SLCO3A1: variants seen among roughly 807,000 people sequenced by gnomAD.
SLCO3A1 encodes solute carrier organic anion transporter family member 3A1.
Under a neutral mutation model 63.1 loss-of-function variants are expected in SLCO3A1, and 27 were observed. The ratio of observed to expected loss-of-function variants is 0.43; its 90% CI spans 0.32 to 0.59. The LOEUF (loss-of-function observed/expected upper bound fraction) is 0.59, where lower values mean the gene tolerates loss of function less well. Among genes scored for constraint, SLCO3A1 ranks in the 20% least tolerant of loss-of-function variants. The pLI, the probability that SLCO3A1 is intolerant of heterozygous loss-of-function variation, is 0.09. For synonymous variants in SLCO3A1, 473 were observed against 409.9 expected (o/e 1.15, Z -1.86); for missense variants, 773 against 945.8 (o/e 0.82, Z 2.40).
chr15:92,150,829 C>CTATT (rs1325176528), intron 8 of SLCO3A1, 121 bp from the exon 9 acceptor site: 6 of 596,502 alleles, frequency 1.0e-5, no homozygotes, highest in Non-Finnish European at 1.7e-5. Flanking sequence ...AAAAAAGACA[C>CTATT]TATTAGTAAT....
intron 2 of SLCO3A1, among the ~76,000 whole-genome samples, chr15:92,041,704 T>C: frequency 6.6e-6 from 1 of 152,194 alleles, no homozygotes; most frequent in Non-Finnish European, 1.5e-5. Context: ...TTCCCATCCT[T>C]CCTGCGTGTC....
At position 92,052,530 on chromosome 15, in the gene SLCO3A1, C is replaced by T. The variant is rs183596480; in HGVS notation, c.647-42351C>T. Among the ~76,000 whole-genome samples, 87 of 152,252 alleles carry T rather than the reference C, an allele frequency of 5.7e-4. 1 individual carries two copies. The highest frequency in any genetic ancestry group is 2.1e-3 in the African/African-American group (87 of 41,552). On this transcript the variant is annotated intron_variant, in intron 2 of 9. Coordinates refer to ENST00000318445, the MANE Select transcript of SLCO3A1 (RefSeq NM_013272.4). ...GCAGTTTCCAGCAAGCAGTGACCAG[C>T]CTCAGATTGGATACCTTCAGTCACA...
intron 3 of SLCO3A1, among the ~76,000 whole-genome samples, chr15:92,095,866 G>C (rs1689538478): frequency 6.6e-6 from 1 of 152,168 alleles, no homozygotes; most frequent in African/African-American, 2.4e-5. Context: ...CAGGAAACCA[G>C]TTTTACTCTG....
chr15:92,102,401 G>A (rs1314471538), intron 3 of SLCO3A1, among the ~76,000 whole-genome samples: 1 of 151,946 alleles, frequency 6.6e-6, no homozygotes, highest in African/African-American at 2.4e-5. Flanking sequence ...AGAATAACAA[G>A]ATCTCTCTCT....
At position 92,126,167 on chromosome 15, in the gene SLCO3A1, C is replaced by T; in HGVS notation, c.1281C>T (p.Val427=). 1 of 1,614,030 alleles carries T rather than the reference C, an allele frequency of 6.2e-7. No individual in the cohort carries two copies. Among genetic ancestry groups the T allele is most frequent in the Non-Finnish European group, 8.5e-7 (1 of 1,179,992 alleles). ...ALGAIRMAML[V]NLVSTACYVS... ...GGGCCATTCGGATGGCCATGCTCGTCAACCTGGTGTCCACTGCTTGCTACG... is the reference window on the plus strand; with the variant it reads ...GGGCCATTCGGATGGCCATGCTCGTTAACCTGGTGTCCACTGCTTGCTACG... The change falls in exon 6 of 10, where the codon GTC becomes GTT. Residue 427 remains valine (V), a synonymous_variant. Transcript: ENST00000318445.
In SLCO3A1 at chr15:91,853,743, T is replaced by G. The variant is rs1896835180; in HGVS notation, c.-166T>G. The G allele has an allele frequency of 1.8e-6, 1 of 553,758 alleles. No individual in the cohort carries two copies. Among genetic ancestry groups the G allele is most frequent in the Non-Finnish European group, 2.3e-6 (1 of 427,934 alleles). 34.3% of individuals were successfully genotyped at this position (553,758 alleles called of 1,614,324 possible). A position where few individuals can be genotyped will look rare whatever the true frequency, so the allele number is the denominator to read the frequency against. On this transcript the variant is annotated 5_prime_UTR_variant, in exon 1 of 10. Transcript: ENST00000318445. ...CGGCGGCGGCGGCGGCGAGGAGCTG[T>G]GCCTTCCACCTCTCCAGCCCCGGCA...
chr15:92,166,442 A>G (rs2048494174), downstream of SLCO3A1, among the ~76,000 whole-genome samples: 1 of 152,164 alleles, frequency 6.6e-6, no homozygotes. Flanking sequence ...TCACCATCTG[A>G]TCATGGAATA....
chr15:92,076,656 C>T (rs1032454851), intron 2 of SLCO3A1, among the ~76,000 whole-genome samples: 3 of 152,192 alleles, frequency 2.0e-5, no homozygotes, highest in African/African-American at 7.2e-5. Context: ...TCCTTGGACA[C>T]TGTACACCAG....
intron 2 of SLCO3A1, among the ~76,000 whole-genome samples, chr15:91,997,710 C>A (rs2046208238): frequency 6.6e-6 from 1 of 152,100 alleles, no homozygotes; most frequent in South Asian, 2.1e-4. Flanking sequence ...AAGCTCCACA[C>A]CTACAGCTCT....
chr15:92,104,623 G>A lies in SLCO3A1; in HGVS notation c.1009+81G>A. 5.6e-6 allele frequency: 8 copies of A among 1,433,742 alleles called. No homozygotes were observed. The South Asian group carries it at 9.4e-5, about 17-fold the overall frequency. 88.8% of individuals were successfully genotyped at this position (1,433,742 alleles called of 1,614,324 possible). On this transcript the variant is annotated intron_variant, in intron 4 of 9. Transcript: ENST00000318445. ...TGATGAATGAAGGGGTGGCACCCAG[G>A]ACTGGGGTGCTTGGGGACTTGGTGG... is the stretch of plus-strand genomic sequence containing the variant.
At position 91,956,606 on chromosome 15, in the gene SLCO3A1, GAGAA is replaced by G. The variant is rs533006741; in HGVS notation, c.646+40153_646+40156del. On this transcript the variant is annotated intron_variant, in intron 2 of 9. Coordinates refer to ENST00000318445, the MANE Select transcript of SLCO3A1 (RefSeq NM_013272.4). ...GGAATTTGGCTTCTGTATCATCTTA[GAGAA>G]AGAACCTTTCTGCCTCCTTGCTGAG... Among the ~76,000 whole-genome samples the G allele has an allele frequency of 2.6e-5, 4 of 151,984 alleles. No individual in the cohort carries two copies. In the East Asian group the frequency reaches 7.8e-4, roughly 30 times the overall value.
chr15:92,117,402 T>C (rs1292323740), intron 4 of SLCO3A1, among the ~76,000 whole-genome samples: 1 of 152,160 alleles, frequency 6.6e-6, no homozygotes, highest in Non-Finnish European at 1.5e-5. Flanking sequence ...TTCTGCACCC[T>C]AATGAAAAAA....
chr15:91,870,870 A>G (rs1035147084), intron 1 of SLCO3A1, among the ~76,000 whole-genome samples: 5 of 121,920 alleles, frequency 4.1e-5, no homozygotes, highest in African/African-American at 1.5e-4. Flanking sequence ...TAGATCTACA[A>G]TCTTTTTTTT....
intron 3 of SLCO3A1, among the ~76,000 whole-genome samples, chr15:92,097,650 G>T (rs903379135): frequency 5.3e-5 from 8 of 152,224 alleles, no homozygotes; most frequent in Non-Finnish European, 1.2e-4. Context: ...CCACCAAGTT[G>T]ATAGCGGACT....
intron 2 of SLCO3A1, among the ~76,000 whole-genome samples, chr15:91,988,839 G>A (rs149041339): frequency 1.6e-4 from 25 of 152,234 alleles, no homozygotes; most frequent in Non-Finnish European, 2.6e-4. Flanking sequence ...TACAGTTAAC[G>A]CAAGGACAGA....
intron 9 of SLCO3A1, among the ~76,000 whole-genome samples, chr15:92,160,413 G>A (rs370015911): frequency 5.3e-5 from 8 of 152,116 alleles, no homozygotes; most frequent in East Asian, 3.9e-4. Flanking sequence ...CTTGTTAGGG[G>A]GCAGGGAAAA....
At chr15:92,158,113 C>G (rs1231746306) in intron 9 of SLCO3A1, among the ~76,000 whole-genome samples, 2 of 152,160 alleles carry the variant, frequency 1.3e-5, no homozygotes, top group African/African-American at 4.8e-5. Flanking sequence ...CTCAGGTGTC[C>G]AGCGAAATAC....
rs984641204 is a variant in SLCO3A1 at position 91,954,731 on chromosome 15, G to A, written c.646+38273G>A. On this transcript the variant is annotated intron_variant, in intron 2 of 9. Transcript: ENST00000318445. The surrounding 1 kb of genome is among the most constrained non-coding windows in gnomAD (Gnocchi z 4.7). ...TGAGTGAGGGGGGTAAAGATGGGGA[G>A]AGGGGTTGACCTGCGAAGCACCCTC... 2.0e-5 allele frequency among the ~76,000 whole-genome samples: 3 copies of A among 152,072 alleles called. No individual in the cohort carries two copies. The highest frequency in any genetic ancestry group is 7.2e-5 in the African/African-American group (3 of 41,402).
chr15:91,931,200 T>C (rs1899215549), intron 2 of SLCO3A1, among the ~76,000 whole-genome samples: 1 of 152,190 alleles, frequency 6.6e-6, no homozygotes, highest in Non-Finnish European at 1.5e-5. Flanking sequence ...AGAGCTCACG[T>C]AAACTCGGTT....
Sources: allele counts gnomAD v4.1 joint callset (sites outside exome capture counted in the v4.1 genomes callset), GRCh38; gene constraint gnomAD v4.1.1; non-coding constraint Gnocchi (gnomAD v3.1); transcripts MANE v1.5; gene names NCBI Gene and HGNC (gene_info 2026-07-23, HGNC 2026-07-21).